The following USP3 variants were observed in gnomAD, a reference collection of about 807,000 sequenced individuals.
The protein encoded by USP3 is ubiquitin specific peptidase 3, also known as ubiquitin carboxyl-terminal hydrolase 3.
In USP3, 20 loss-of-function variants were observed where a neutral mutation model predicts 72.3. The observed-to-expected ratio is 0.28, with a 90% CI of 0.19 to 0.40. The LOEUF (loss-of-function observed/expected upper bound fraction) is 0.40. Among genes scored for constraint, USP3 ranks in the 10% least tolerant of loss-of-function variants. The pLI, the probability that USP3 is intolerant of heterozygous loss-of-function variation, is 1.00. For missense variants in USP3, 479 were observed against 633.9 expected (o/e 0.76, Z 2.62); for synonymous variants, 222 against 225.3 (o/e 0.99, Z 0.13).
At chr15:63,548,474 C>T (rs60490282) in intron 3 of USP3, among the ~76,000 whole-genome samples, 2,221 of 151,700 alleles carry the variant, frequency 0.015, 57 homozygotes, top group African/African-American at 0.051. Context: ...TACAGGCACA[C>T]GCTACAACTC....
chr15:63,590,257 G>C (rs568671853), intron 14 of USP3, among the ~76,000 whole-genome samples: 1 of 152,314 alleles, frequency 6.6e-6, no homozygotes, highest in South Asian at 2.1e-4. Flanking sequence ...CTCCAGGGTT[G>C]TGTGTGTGAG....
At chr15:63,514,376 G>C (rs2065825078) in intron 1 of USP3, among the ~76,000 whole-genome samples, 1 of 152,164 alleles carries the variant, frequency 6.6e-6, no homozygotes, top group Non-Finnish European at 1.5e-5. Flanking sequence ...TAGAAAAACT[G>C]AAATAGTTAA....
chr15:63,566,474 G>A (rs1285745019), intron 8 of USP3, among the ~76,000 whole-genome samples: 5 of 151,880 alleles, frequency 3.3e-5, no homozygotes, highest in African/African-American at 4.8e-5. Context: ...CACCATACCT[G>A]GCTAATTTTT....
At chr15:63,562,646 G>A (rs753554630) in intron 7 of USP3, among the ~76,000 whole-genome samples, 23 of 152,326 alleles carry the variant, frequency 1.5e-4, no homozygotes, top group Non-Finnish European at 3.4e-4. Flanking sequence ...AACTCAAAGT[G>A]TACAAACATG....
chr15:63,509,253 T>C (rs1048750839), intron 1 of USP3, among the ~76,000 whole-genome samples: 4 of 152,214 alleles, frequency 2.6e-5, no homozygotes, highest in Non-Finnish European at 5.9e-5. Flanking sequence ...TAACATTCTA[T>C]GATGTCTTTA....
intron 8 of USP3, among the ~76,000 whole-genome samples, chr15:63,568,706 A>G (rs866402188): frequency 6.6e-6 from 1 of 152,252 alleles, no homozygotes; most frequent in Non-Finnish European, 1.5e-5. Flanking sequence ...CAATGAAGTT[A>G]TACATTTAAA....
At chr15:63,589,468 A>AACTT (rs1352823108) in intron 14 of USP3, among the ~76,000 whole-genome samples, 1 of 152,208 alleles carries the variant, frequency 6.6e-6, no homozygotes, top group African/African-American at 2.4e-5. Context: ...TTTACCTTCA[A>AACTT]ACTTAAGACT....
intron 3 of USP3, chr15:63,542,127 G>C: frequency 1.0e-6 from 1 of 984,934 alleles, no homozygotes; most frequent in South Asian, 4.7e-5. Flanking sequence ...GTCATGACTT[G>C]AGTAACTTCA....
At chr15:63,583,699 T>C (rs1013607014) in intron 11 of USP3, among the ~76,000 whole-genome samples, 1 of 152,236 alleles carries the variant, frequency 6.6e-6, no homozygotes, top group African/African-American at 2.4e-5. Flanking sequence ...TTGTCTATTC[T>C]AGGCACCTCA....
At chr15:63,542,472 T>C (rs1232782567) in intron 3 of USP3, among the ~76,000 whole-genome samples, 1 of 151,992 alleles carries the variant, frequency 6.6e-6, no homozygotes, top group African/African-American at 2.4e-5. Flanking sequence ...TAAAATACTG[T>C]AGTTGGAAAT....
rs141880559 is a variant in USP3, at chr15:63,544,986, A to G, written c.284+7830A>G. Among the ~76,000 whole-genome samples the G allele has an allele frequency of 4.1e-3, 619 of 152,340 alleles. 26 individuals carry two copies. In the East Asian group the frequency reaches 0.096, roughly 24 times the overall value. Reference sequence around the variant, plus strand: ...TAGAAAAGAATGTTCTTTGAAATGAAGAGAAAAAAGATGAGTTTTTGAGAG... The same window carrying G: ...TAGAAAAGAATGTTCTTTGAAATGAGGAGAAAAAAGATGAGTTTTTGAGAG... On this transcript the variant is annotated intron_variant, in intron 3 of 14. Coordinates refer to ENST00000380324, the MANE Select transcript of USP3 (RefSeq NM_006537.4). This position sits in a 1 kb window ranked among gnomAD's most constrained non-coding sequence, Gnocchi z 4.2.
At chr15:63,522,957 G>C (rs1190323705) in intron 1 of USP3, among the ~76,000 whole-genome samples, 1 of 152,142 alleles carries the variant, frequency 6.6e-6, no homozygotes. Flanking sequence ...CACTTGAGTT[G>C]CTTCTGTACT....
chr15:63,533,145 C>T (rs904502178), intron 2 of USP3, among the ~76,000 whole-genome samples: 2 of 152,078 alleles, frequency 1.3e-5, no homozygotes, highest in African/African-American at 2.4e-5. Flanking sequence ...TATTACCTAC[C>T]CCATCCCCAC....
rs11437615 is a variant in USP3, at chr15:63,592,448, AT to A, written c.*1640del. 0.03 allele frequency: 3,891 copies of A among 130,294 alleles called. 65 individuals carry two copies. The highest frequency in any genetic ancestry group is 0.061 in the East Asian group (277 of 4,562). The allele number at this position is 130,294 out of a possible 1,614,324, so 8.1% of individuals were successfully genotyped here. A position where few individuals can be genotyped will look rare whatever the true frequency, so the allele number is the denominator to read the frequency against. On this transcript the variant is annotated 3_prime_UTR_variant, in exon 15 of 15. Transcript: ENST00000380324. ...GTTAAGCCAACGAGACTTTCTGGCA[AT>A]TTTTTTTTTTTTTTTTTAATGGAGT...
At chr15:63,558,247 G>C (rs976089887) in intron 6 of USP3, 59 bp downstream of exon 6, 1 of 1,568,154 alleles carries the variant, frequency 6.4e-7, no homozygotes. Flanking sequence ...ACGGGCTCTG[G>C]CTCCCTATCT....
In USP3 at chr15:63,590,694, T is replaced by A; in HGVS notation, c.1431T>A (p.Thr477=). Residue 477 remains threonine, a synonymous_variant, in exon 15 of 15, where the codon ACT becomes ACA. Transcript: ENST00000380324. The part of the protein sequence containing the change: ...VGSGHYTAYA[T]HEGRWFHFND... ...CTGGACATTACACAGCATACGCAAC[T>A]CACGAAGGCCGCTGGTTCCACTTCA... The A allele has an allele frequency of 1.2e-6, 2 of 1,613,488 alleles. No homozygotes were observed. The highest frequency in any genetic ancestry group is 1.7e-6 in the Non-Finnish European group (2 of 1,179,700).
rs2067227995 is a variant in USP3, at chr15:63,592,729, C to G, written c.*1903C>G. 6.6e-6 allele frequency: 1 copy of G among 151,714 alleles called. No individual in the cohort carries two copies. Among genetic ancestry groups the G allele is most frequent in the Non-Finnish European group, 1.5e-5 (1 of 67,934 alleles). The allele number at this position is 151,714 out of a possible 1,614,324, so 9.4% of individuals were successfully genotyped here. On this transcript the variant is annotated 3_prime_UTR_variant, in exon 15 of 15. Transcript: ENST00000380324. ...AGCATTACAGGCATGAGCCACCACGCCCAGCCTGTTCTATTAAAAACATCT... is the reference window on the plus strand; with the variant it reads ...AGCATTACAGGCATGAGCCACCACGGCCAGCCTGTTCTATTAAAAACATCT...
At chr15:63,547,563 C>A (rs1472477831) in intron 3 of USP3, among the ~76,000 whole-genome samples, 1 of 151,734 alleles carries the variant, frequency 6.6e-6, no homozygotes, top group African/African-American at 2.4e-5. Context: ...GACCCTGCCA[C>A]TACAAAAGTA....
Position 63,588,169 on chromosome 15 carries a change from G to A in USP3, c.1097-136G>A. ...AGGTATTATTTTTTGTCTCCAGTTT[G>A]CAATTGAGAAAGGTTAACTTTTCTA... On this transcript the variant is annotated intron_variant, in intron 11 of 14. Coordinates refer to ENST00000380324, the MANE Select transcript of USP3 (RefSeq NM_006537.4). This position sits in a 1 kb window ranked among gnomAD's most constrained non-coding sequence, Gnocchi z 4.6. The A allele has an allele frequency of 5.1e-6, 3 of 587,672 alleles. No individual in the cohort carries two copies. The highest frequency in any genetic ancestry group is 8.7e-6 in the Non-Finnish European group (3 of 343,252). 36.4% of individuals were successfully genotyped at this position (587,672 alleles called of 1,614,324 possible). A position where few individuals can be genotyped will look rare whatever the true frequency, so the allele number is the denominator to read the frequency against.
Sources: gnomAD v4.1 joint callset for allele counts (sites outside exome capture counted in the v4.1 genomes callset) on GRCh38, gnomAD v4.1.1 for gene constraint, Gnocchi (gnomAD v3.1) non-coding constraint, MANE v1.5 for transcripts, NCBI Gene and HGNC (gene_info 2026-07-23, HGNC 2026-07-21) for gene names.